The following RBFOX1 variants were observed in gnomAD, a reference collection of about 807,000 sequenced individuals.
The protein encoded by RBFOX1 is RNA binding fox-1 homolog 1.
Under a neutral mutation model 57.7 loss-of-function variants are expected in RBFOX1, and 8 were observed. The observed-to-expected ratio is 0.14, with a 90% CI of 0.08 to 0.25. The LOEUF is 0.25. RBFOX1 is among the 10% of genes least tolerant of loss of function. The probability of loss-of-function intolerance (pLI) is 1.00; values close to 1 mark genes in which losing one functional copy is unlikely to be tolerated. For synonymous variants in RBFOX1, 326 were observed against 222.4 expected, an observed-to-expected ratio of 1.47 and a Z score of -4.15; for missense variants, 611 against 548.5, an observed-to-expected ratio of 1.11 and a Z score of -1.14.
In RBFOX1 at chr16:5,564,752, C is replaced by G. The variant is rs1384522544; in HGVS notation, c.259-34150C>G. ...TGAACAGTATTTATTGAGTGCATAT[C>G]AAGTTCATCATGGTCTTCTAGGCAG... On this transcript the variant is annotated intron_variant, in intron 2 of 2. Coordinates refer to the RBFOX1 transcript ENST00000585867. Among the ~76,000 whole-genome samples, 3 of 152,240 alleles carry G rather than the reference C, an allele frequency of 2.0e-5. No homozygotes were observed. In the East Asian group the frequency reaches 5.8e-4, roughly 30 times the overall value.
intron 3 of RBFOX1, among the ~76,000 whole-genome samples, chr16:5,757,948 C>T (rs116742504): frequency 6.6e-6 from 1 of 152,202 alleles, no homozygotes; most frequent in Admixed American, 6.5e-5. Flanking sequence ...GTAGCTGACC[C>T]TGACTCACTG....
intron 14 of RBFOX1, among the ~76,000 whole-genome samples, chr16:7,707,759 C>T (rs975478198): frequency 2.0e-5 from 3 of 152,206 alleles, no homozygotes; most frequent in Non-Finnish European, 4.4e-5. Context: ...TAGGTGGAAC[C>T]TGCTGTAGCA....
chr16:5,778,863 T>C (rs190905264), intron 3 of RBFOX1, among the ~76,000 whole-genome samples: 7 of 152,336 alleles, frequency 4.6e-5, no homozygotes, highest in African/African-American at 7.2e-5. Context: ...GGGGCTGTTA[T>C]TGTCATCTGC....
At chr16:6,614,979 C>G (rs556352707) in intron 2 of RBFOX1, among the ~76,000 whole-genome samples, 2 of 152,256 alleles carry the variant, frequency 1.3e-5, no homozygotes, top group South Asian at 2.1e-4. Flanking sequence ...ATCCCAATTA[C>G]CAGTCGAATT....
chr16:5,413,957 G>A (rs979380812), intron 1 of RBFOX1, among the ~76,000 whole-genome samples: 8 of 152,106 alleles, frequency 5.3e-5, no homozygotes, highest in Non-Finnish European at 2.9e-5. Context: ...ATCCCTTTTG[G>A]TTGCCTGCTC....
chr16:5,944,631 C>A (rs539040007), intron 4 of RBFOX1, among the ~76,000 whole-genome samples: 3 of 151,248 alleles, frequency 2.0e-5, no homozygotes, highest in African/African-American at 7.3e-5. Context: ...ACTGTCCCCG[C>A]CATTGTCACC....
intron 1 of RBFOX1, among the ~76,000 whole-genome samples, chr16:5,449,024 G>C (rs1358479816): frequency 1.3e-5 from 2 of 152,124 alleles, no homozygotes; most frequent in Non-Finnish European, 2.9e-5. Context: ...CAGAGGTATT[G>C]AGCTGCACGG....
rs1380448541 is a variant in RBFOX1 at position 6,988,563 on chromosome 16, A to AT, written c.-15-63491dup. On this transcript the variant is annotated intron_variant, in intron 3 of 15. Transcript: ENST00000550418. ...TCCCTTTTTATTTTAATTTAACTTT[A>AT]TTTAATTTTATTTTATTTTATTTAT... Among the ~76,000 whole-genome samples the AT allele has an allele frequency of 8.8e-4, 97 of 110,582 alleles. 1 individual carries two copies. Among genetic ancestry groups the AT allele is most frequent in the East Asian group, 2.4e-3 (8 of 3,292 alleles). The allele number at this position is 110,582 out of a possible 152,430, so 72.5% of individuals were successfully genotyped here.
rs17141067 is a variant in RBFOX1 at position 6,715,900 on chromosome 16, C to T, written c.-16+61250C>T. Reference sequence around the variant, plus strand: ...TTTGGGGTCAAGGCTCAGCCTGCTACTATTACAGCCTCATACCCTGCTTCT... The same window carrying T: ...TTTGGGGTCAAGGCTCAGCCTGCTATTATTACAGCCTCATACCCTGCTTCT... On this transcript the variant is annotated intron_variant, in intron 3 of 15. Coordinates refer to ENST00000550418, the MANE Select transcript of RBFOX1 (RefSeq NM_018723.4). 8.1e-3 allele frequency among the ~76,000 whole-genome samples: 1,236 copies of T among 152,306 alleles called. 20 individuals carry two copies. Among genetic ancestry groups the T allele is most frequent in the African/African-American group, 0.028 (1,161 of 41,558 alleles).
At chr16:7,320,962 C>T (rs1173841929) in intron 4 of RBFOX1, among the ~76,000 whole-genome samples, 4 of 152,116 alleles carry the variant, frequency 2.6e-5, no homozygotes, top group African/African-American at 9.7e-5. Context: ...CTTCTTATGG[C>T]TTCAATAGCT....
chr16:6,852,082 C>T (rs527240345), intron 3 of RBFOX1, among the ~76,000 whole-genome samples: 9 of 152,126 alleles, frequency 5.9e-5, no homozygotes, highest in South Asian at 2.1e-4. Flanking sequence ...CCTGCCACCA[C>T]GTAACTACCA....
At chr16:6,599,540 G>C (rs1222481187) in intron 2 of RBFOX1, among the ~76,000 whole-genome samples, 1 of 152,166 alleles carries the variant, frequency 6.6e-6, no homozygotes, top group Non-Finnish European at 1.5e-5. Context: ...AGGAACTTCA[G>C]TTCTCAAGCC....
chr16:7,704,888 A>C (rs903579861), intron 14 of RBFOX1, among the ~76,000 whole-genome samples: 1 of 152,040 alleles, frequency 6.6e-6, no homozygotes, highest in Non-Finnish European at 1.5e-5. Flanking sequence ...TTGTCTACAA[A>C]ATGCAAAATT....
intron 2 of RBFOX1, among the ~76,000 whole-genome samples, chr16:6,435,294 T>C (rs891692483): frequency 6.6e-6 from 1 of 152,168 alleles, no homozygotes; most frequent in African/African-American, 2.4e-5. Flanking sequence ...TTATTGTTGT[T>C]GTTTTTTGTT....
At chr16:6,619,707 TTAA>T (rs2098198238) in intron 2 of RBFOX1, among the ~76,000 whole-genome samples, 1 of 147,814 alleles carries the variant, frequency 6.8e-6, no homozygotes, top group Non-Finnish European at 1.5e-5. Context: ...TTTTTTTTTT[TTAA>T]TAACTTTCAT....
At chr16:7,630,496 G>T in intron 10 of RBFOX1, 107 bp from the exon 11 acceptor site, 1 of 1,548,572 alleles carries the variant, frequency 6.5e-7, no homozygotes, top group South Asian at 1.2e-5. Flanking sequence ...GCTCTGGGAT[G>T]TGGCTATGTT....
intron 12 of RBFOX1, among the ~76,000 whole-genome samples, chr16:7,659,476 A>G (rs2067148665): frequency 6.6e-6 from 1 of 152,194 alleles, no homozygotes; most frequent in Non-Finnish European, 1.5e-5. Context: ...CCATTCTCAG[A>G]ATACTTTAGA....
At chr16:6,971,234 G>C (rs2085467964) in intron 3 of RBFOX1, among the ~76,000 whole-genome samples, 1 of 152,164 alleles carries the variant, frequency 6.6e-6, no homozygotes, top group Admixed American at 6.5e-5. Context: ...AAAGGCAGCT[G>C]AATTGTTATG....
intron 3 of RBFOX1, among the ~76,000 whole-genome samples, chr16:5,694,105 G>C (rs1237453029): frequency 6.6e-6 from 1 of 152,186 alleles, no homozygotes; most frequent in Non-Finnish European, 1.5e-5. Flanking sequence ...GCTGTGCTTG[G>C]CTCAGAAGTA....
Sources: gnomAD v4.1 joint callset for allele counts (sites outside exome capture counted in the v4.1 genomes callset) on GRCh38, gnomAD v4.1.1 for gene constraint, MANE v1.5 for transcripts, NCBI Gene and HGNC (gene_info 2026-07-23, HGNC 2026-07-21) for gene names.